The following LTBP1 variants were observed in gnomAD, a reference collection of about 807,000 sequenced individuals.
LTBP1 encodes latent-transforming growth factor beta-binding protein 1.
A neutral mutation model predicts 207.6 loss-of-function variants in LTBP1; 129 were observed. The observed-to-expected ratio is 0.62, with a 90% confidence interval of 0.54 to 0.72. The LOEUF (loss-of-function observed/expected upper bound fraction) is 0.72. Among genes scored for constraint, LTBP1 ranks in the 30% least tolerant of loss-of-function variants. The pLI, the probability that LTBP1 is intolerant of heterozygous loss-of-function variation, is 0.00. For missense variants in LTBP1, 2,281 were observed against 2,217.2 expected (o/e 1.03, Z -0.58); for synonymous variants, 963 against 833.7 (o/e 1.16, Z -2.67).
intron 2 of LTBP1, among the ~76,000 whole-genome samples, chr2:33,004,362 T>C (rs1222655477): frequency 6.6e-6 from 1 of 152,170 alleles, no homozygotes; most frequent in African/African-American, 2.4e-5. Context: ...CTGTGGGCTT[T>C]ATGATAAGCT....
chr2:33,237,483 G>A (rs2092104800), intron 9 of LTBP1, among the ~76,000 whole-genome samples: 1 of 152,116 alleles, frequency 6.6e-6, no homozygotes, highest in East Asian at 1.9e-4. Context: ...ATATCTTTAA[G>A]CTGACATCTA....
intron 26 of LTBP1, among the ~76,000 whole-genome samples, chr2:33,356,008 C>T (rs1335838100): frequency 6.6e-6 from 1 of 151,678 alleles, no homozygotes; most frequent in East Asian, 1.9e-4. Flanking sequence ...CTTTCTGTTA[C>T]CGAACACCAG....
At chr2:33,043,751 A>T (rs1395810801) in intron 3 of LTBP1, among the ~76,000 whole-genome samples, 1 of 152,370 alleles carries the variant, frequency 6.6e-6, no homozygotes, top group East Asian at 1.9e-4. Flanking sequence ...AGAATGCAAC[A>T]CAGGTGAAAT....
intron 3 of LTBP1, among the ~76,000 whole-genome samples, chr2:33,036,694 T>G (rs1432095481): frequency 6.6e-6 from 1 of 152,140 alleles, no homozygotes; most frequent in Non-Finnish European, 1.5e-5. Flanking sequence ...CTGACCTCAG[T>G]TGATCCACCC....
intron 3 of LTBP1, among the ~76,000 whole-genome samples, chr2:33,030,852 C>G (rs1573194685): frequency 6.6e-6 from 1 of 152,022 alleles, no homozygotes; most frequent in Admixed American, 6.6e-5. Flanking sequence ...GATCTTATCA[C>G]CTTATGAAGC....
intron 3 of LTBP1, among the ~76,000 whole-genome samples, chr2:33,107,712 T>C (rs2080149163): frequency 6.6e-6 from 1 of 152,254 alleles, no homozygotes; most frequent in African/African-American, 2.4e-5. Context: ...TTTATATCTT[T>C]TTAATTTCTT....
intron 9 of LTBP1, among the ~76,000 whole-genome samples, chr2:33,223,747 G>A (rs976637089): frequency 6.6e-6 from 1 of 152,146 alleles, no homozygotes; most frequent in African/African-American, 2.4e-5. Context: ...CTGATTTGGG[G>A]TTTGGGTGTT....
chr2:33,066,570 A>G (rs2077521521), intron 3 of LTBP1, among the ~76,000 whole-genome samples: 1 of 152,190 alleles, frequency 6.6e-6, no homozygotes, highest in African/African-American at 2.4e-5. Context: ...ATTAAATTAG[A>G]TGGCAAAGCA....
intron 2 of LTBP1, among the ~76,000 whole-genome samples, chr2:33,002,693 T>TTA (rs1235955375): frequency 4.6e-5 from 7 of 151,564 alleles, no homozygotes; most frequent in African/African-American, 1.7e-4. Flanking sequence ...CTTTTTTTTT[T>TTA]AAAAAAAGGG....
At chr2:33,327,013 A>C (rs1323402072) in intron 24 of LTBP1, among the ~76,000 whole-genome samples, 1 of 152,204 alleles carries the variant, frequency 6.6e-6, no homozygotes, top group Non-Finnish European at 1.5e-5. Context: ...CAAGATGTTT[A>C]AAAATGCATT....
intron 2 of LTBP1, among the ~76,000 whole-genome samples, chr2:33,010,842 C>G (rs570910989): frequency 3.3e-5 from 5 of 151,646 alleles, no homozygotes; most frequent in African/African-American, 1.2e-4. Context: ...GCCTCAGCCT[C>G]CCGAGTAGCT....
intron 3 of LTBP1, among the ~76,000 whole-genome samples, chr2:33,105,926 A>C (rs1438325348): frequency 6.6e-6 from 1 of 152,226 alleles, no homozygotes; most frequent in Admixed American, 6.5e-5. Flanking sequence ...TTTTACGCAC[A>C]ATAGAACTGC....
intron 3 of LTBP1, among the ~76,000 whole-genome samples, chr2:33,064,888 T>C (rs964520988): frequency 6.6e-6 from 1 of 152,244 alleles, no homozygotes; most frequent in African/African-American, 2.4e-5. Flanking sequence ...CCAGTATTTA[T>C]GCTTCTCCCC....
intron 5 of LTBP1, among the ~76,000 whole-genome samples, chr2:33,176,529 A>G (rs186680841): frequency 1.4e-4 from 18 of 130,282 alleles, no homozygotes; most frequent in African/African-American, 3.1e-4. Context: ...CTGGCTGACA[A>G]CATGTTAATT....
At chr2:33,278,855 A>G (rs2093500306) in intron 18 of LTBP1, among the ~76,000 whole-genome samples, 1 of 152,236 alleles carries the variant, frequency 6.6e-6, no homozygotes, top group Non-Finnish European at 1.5e-5. Context: ...GCCATTGGCA[A>G]GAATTTTTAC....
chr2:33,005,163 C>T (rs1686649129), intron 2 of LTBP1, among the ~76,000 whole-genome samples: 1 of 152,118 alleles, frequency 6.6e-6, no homozygotes, highest in African/African-American at 2.4e-5. Context: ...GTTATTCCTG[C>T]AAGATGACAA....
intron 6 of LTBP1, 130 bp from the exon 7 acceptor site, chr2:33,188,447 A>T: frequency 1.5e-6 from 1 of 668,170 alleles, no homozygotes; most frequent in Non-Finnish European, 2.5e-6. Flanking sequence ...AAAAAAAAGA[A>T]TTTTGATGGC....
At chr2:33,234,922 T>C (rs1257444243) in intron 9 of LTBP1, among the ~76,000 whole-genome samples, 1 of 152,094 alleles carries the variant, frequency 6.6e-6, no homozygotes, top group Non-Finnish European at 1.5e-5. Flanking sequence ...AAGACTTAAA[T>C]GTAAGACCTA....
chr2:33,141,881 A>G (rs749554569), intron 5 of LTBP1, among the ~76,000 whole-genome samples: 10 of 152,176 alleles, frequency 6.6e-5, no homozygotes, highest in Admixed American at 2.6e-4. Context: ...AATCAAATTA[A>G]TATCTGCAGA....
Sources: allele counts gnomAD v4.1 joint callset (sites outside exome capture counted in the v4.1 genomes callset), GRCh38; gene constraint gnomAD v4.1.1; transcripts MANE v1.5; gene names NCBI Gene and HGNC (gene_info 2026-07-23, HGNC 2026-07-21).